Variants in PARVB observed in about 807,000 individuals in gnomAD.
PARVB encodes the protein beta-parvin.
A neutral mutation model predicts 47.0 loss-of-function variants in PARVB; 46 were observed. That is an observed-to-expected ratio of 0.98 (90% CI 0.77 to 1.25). The LOEUF is 1.25. Ranked by LOEUF, PARVB falls within the 50% of genes most tolerant of loss-of-function variation. PARVB has a pLI of 0.00. For synonymous variants in PARVB, 196 were observed against 196.3 expected, an observed-to-expected ratio of 1.00 and a Z score of 0.01; for missense variants, 473 against 471.6, an observed-to-expected ratio of 1.00 and a Z score of -0.03.
At chr22:44,151,256 G>T (rs2053801195) in intron 9 of PARVB, 4 of 501,450 alleles carry the variant, frequency 8.0e-6, no homozygotes, top group Admixed American at 3.2e-5. Context: ...GTGTGCATGG[G>T]TTGGTGAGCA....
intron 2 of PARVB, among the ~76,000 whole-genome samples, chr22:44,000,390 C>G (rs891774024): frequency 2.0e-5 from 3 of 152,198 alleles, no homozygotes; most frequent in African/African-American, 7.2e-5. Context: ...AAATACTGGG[C>G]CACTGTGAAT....
chr22:44,015,238 TG>T (rs2050563770), intron 2 of PARVB, among the ~76,000 whole-genome samples: 1 of 151,838 alleles, frequency 6.6e-6, no homozygotes, highest in African/African-American at 2.4e-5. Flanking sequence ...AGACAGATAG[TG>T]AGGGTGAAAG....
chr22:44,151,606 G>A, intron 10 of PARVB, 55 bp downstream of exon 10: 1 of 1,392,880 alleles, frequency 7.2e-7, no homozygotes, highest in Non-Finnish European at 1.0e-6. Flanking sequence ...TTCAGTCAGT[G>A]TTTTGATCCC....
intron 1 of PARVB, among the ~76,000 whole-genome samples, chr22:44,041,662 T>C (rs1039278649): frequency 5.9e-5 from 9 of 152,066 alleles, no homozygotes; most frequent in African/African-American, 1.7e-4. Flanking sequence ...GGCAGGAGGA[T>C]TGCTTGAGCC....
intron 10 of PARVB, chr22:44,152,156 T>C (rs1012054970): frequency 6.6e-6 from 1 of 151,864 alleles, no homozygotes; most frequent in African/African-American, 2.4e-5. Flanking sequence ...TCTTTCTTTT[T>C]TTTTTTTTTT....
chr22:44,032,557 T>G (rs2050844856), intron 1 of PARVB, among the ~76,000 whole-genome samples: 1 of 152,176 alleles, frequency 6.6e-6, no homozygotes, highest in African/African-American at 2.4e-5. Context: ...ATCTGTTGCT[T>G]CTTCTCTCTA....
chr22:44,161,991 G>A (rs1354309697), intron 11 of PARVB, among the ~76,000 whole-genome samples: 2 of 152,170 alleles, frequency 1.3e-5, no homozygotes, highest in African/African-American at 2.4e-5. Context: ...CAGGGTCTCC[G>A]TCTGCTGCAC....
At chr22:44,157,885 C>T (rs2053969653) in intron 10 of PARVB, 97 bp from the exon 11 acceptor site, 2 of 792,414 alleles carry the variant, frequency 2.5e-6, no homozygotes, top group Non-Finnish European at 4.3e-6. Context: ...AGAGTGAGAC[C>T]CTGTCTCAGA....
At chr22:44,000,515 G>A (rs1225292662) in intron 2 of PARVB, among the ~76,000 whole-genome samples, 2 of 152,312 alleles carry the variant, frequency 1.3e-5, no homozygotes, top group South Asian at 2.1e-4. Context: ...GGTGGCTCAC[G>A]CCTGTAAAAT....
intron 1 of PARVB, among the ~76,000 whole-genome samples, chr22:44,080,459 G>C (rs530768060): frequency 6.6e-6 from 1 of 152,204 alleles, no homozygotes; most frequent in Admixed American, 6.5e-5. Context: ...GCCATCTCCC[G>C]ATCTTTCTCT....
chr22:44,046,260 C>G (rs897804894), intron 1 of PARVB, among the ~76,000 whole-genome samples: 1 of 152,242 alleles, frequency 6.6e-6, no homozygotes, highest in Non-Finnish European at 1.5e-5. Context: ...GTGTCACCTA[C>G]TTGCCTAGTT....
At chr22:44,150,348 C>G (rs2053776622) in intron 9 of PARVB, 1 of 151,808 alleles carries the variant, frequency 6.6e-6, no homozygotes, top group Admixed American at 6.6e-5. Flanking sequence ...TCAGAGAGAT[C>G]ACCCTGGGTG....
chr22:44,132,756 T>G, intron 5 of PARVB, 138 bp from the exon 6 acceptor site: 1 of 589,984 alleles, frequency 1.7e-6, no homozygotes, highest in African/African-American at 1.9e-5. Flanking sequence ...TCAGCTCTCT[T>G]GATTTGTCCA....
intron 1 of PARVB, among the ~76,000 whole-genome samples, chr22:44,055,646 G>T (rs2051293423): frequency 6.8e-6 from 1 of 146,496 alleles, no homozygotes; most frequent in African/African-American, 2.7e-5. Flanking sequence ...CTCTCTGTCT[G>T]TCTCTATCCA....
chr22:44,070,306 C>G (rs933452503), intron 1 of PARVB, among the ~76,000 whole-genome samples: 2 of 152,162 alleles, frequency 1.3e-5, no homozygotes, highest in Non-Finnish European at 2.9e-5. Flanking sequence ...GCTTGAAGGC[C>G]GCCTCCCTGG....
intron 11 of PARVB, among the ~76,000 whole-genome samples, chr22:44,161,635 G>A (rs572209643): frequency 2.0e-5 from 3 of 152,174 alleles, no homozygotes; most frequent in South Asian, 4.2e-4. Flanking sequence ...TTAGGGCACC[G>A]ATGTCCTAGC....
chr22:44,074,778 G>A (rs553094765), intron 1 of PARVB, among the ~76,000 whole-genome samples: 7 of 152,254 alleles, frequency 4.6e-5, no homozygotes, highest in Non-Finnish European at 8.8e-5. Context: ...CAGTTAGAGC[G>A]TGGCCGTGTG....
chr22:44,055,410 G>C lies in PARVB; in HGVS notation c.112+30959G>C, dbSNP rs539492300. Among the ~76,000 whole-genome samples the C allele has an allele frequency of 1.5e-3, 229 of 149,348 alleles. 1 individual carries two copies. Among genetic ancestry groups the C allele is most frequent in the Non-Finnish European group, 3.4e-4 (23 of 67,046 alleles). On this transcript the variant is annotated intron_variant, in intron 1 of 12. Coordinates refer to ENST00000338758, the MANE Select transcript of PARVB (RefSeq NM_013327.5). ...GCTGGAATGGTGTGATCTCGGCTCA[G>C]TGCAACCTCTGACTCCCTGGTTCAA...
chr22:44,144,537 C>G (rs1601675252), intron 8 of PARVB: 1 of 152,284 alleles, frequency 6.6e-6, no homozygotes, highest in Non-Finnish European at 1.5e-5. Flanking sequence ...GTGGCTCACA[C>G]CTGTAGTCCC....
Sources: gnomAD v4.1 joint callset for allele counts (sites outside exome capture counted in the v4.1 genomes callset) on GRCh38, gnomAD v4.1.1 for gene constraint, MANE v1.5 for transcripts, NCBI Gene and HGNC (gene_info 2026-07-23, HGNC 2026-07-21) for gene names.